Variants in DYNC1I1 observed in about 807,000 individuals in gnomAD.
DYNC1I1 encodes dynein cytoplasmic 1 intermediate chain 1.
In DYNC1I1, 43 loss-of-function variants were observed where a neutral mutation model predicts 86.6. The ratio of observed to expected loss-of-function variants is 0.50; its 90% confidence interval spans 0.39 to 0.64. The LOEUF is 0.64. Among genes scored for constraint, DYNC1I1 ranks in the 30% least tolerant of loss-of-function variants. The pLI, the probability that DYNC1I1 is intolerant of heterozygous loss-of-function variation, is 0.00. For missense variants in DYNC1I1, 604 were observed against 788.8 expected (o/e 0.77, Z 2.81); for synonymous variants, 262 against 283.7 (o/e 0.92, Z 0.77).
At chr7:96,003,207 T>C (rs1426425300) in intron 10 of DYNC1I1, among the ~76,000 whole-genome samples, 2 of 152,210 alleles carry the variant, frequency 1.3e-5, no homozygotes, top group African/African-American at 2.4e-5. Flanking sequence ...CATCCTGTTA[T>C]TGTGCTTTTG....
At chr7:95,802,505 A>G (rs1350112114) in intron 1 of DYNC1I1, among the ~76,000 whole-genome samples, 1 of 152,202 alleles carries the variant, frequency 6.6e-6, no homozygotes, top group East Asian at 1.9e-4. Context: ...GAATAGGCTT[A>G]AGCAAATTCC....
At chr7:96,090,189 G>A (rs1790799632) in intron 16 of DYNC1I1, among the ~76,000 whole-genome samples, 1 of 152,112 alleles carries the variant, frequency 6.6e-6, no homozygotes, top group Non-Finnish European at 1.5e-5. Flanking sequence ...ATGTGAAGAA[G>A]ACTATTCATC....
intron 1 of DYNC1I1, chr7:95,804,505 T>G: frequency 2.4e-6 from 2 of 831,110 alleles, no homozygotes; most frequent in Non-Finnish European, 3.4e-6. Context: ...CAGATATTTA[T>G]GTATATATAC....
intron 6 of DYNC1I1, among the ~76,000 whole-genome samples, chr7:95,971,270 C>A (rs1350724319): frequency 6.6e-6 from 1 of 152,108 alleles, no homozygotes; most frequent in African/African-American, 2.4e-5. Flanking sequence ...TAAAATGAGA[C>A]AAAAGGCATT....
At chr7:95,958,463 A>G (rs1199103795) in intron 6 of DYNC1I1, among the ~76,000 whole-genome samples, 1 of 152,128 alleles carries the variant, frequency 6.6e-6, no homozygotes, top group African/African-American at 2.4e-5. Context: ...CGGAAAGCTA[A>G]AGAAGAAGGA....
intron 10 of DYNC1I1, among the ~76,000 whole-genome samples, chr7:96,003,353 C>T (rs1046692780): frequency 2.0e-5 from 3 of 152,212 alleles, no homozygotes; most frequent in African/African-American, 7.2e-5. Context: ...TAGAGACTAA[C>T]TGGCCATTTG....
chr7:95,980,907 T>G (rs980495820), intron 7 of DYNC1I1, among the ~76,000 whole-genome samples: 3 of 152,140 alleles, frequency 2.0e-5, no homozygotes, highest in African/African-American at 7.2e-5. Flanking sequence ...CACTTTTAGT[T>G]TGGTTTGGTT....
At chr7:96,064,618 T>C (rs1414941342) in intron 14 of DYNC1I1, among the ~76,000 whole-genome samples, 1 of 141,754 alleles carries the variant, frequency 7.1e-6, no homozygotes, top group Non-Finnish European at 1.5e-5. Flanking sequence ...GGTAACATGC[T>C]AGAAGCACAA....
At chr7:96,031,641 G>C (rs1160747208) in intron 11 of DYNC1I1, among the ~76,000 whole-genome samples, 1 of 152,100 alleles carries the variant, frequency 6.6e-6, no homozygotes, top group Non-Finnish European at 1.5e-5. Context: ...AATAGTTTGG[G>C]AACCATCCTT....
chr7:96,068,100 A>G (rs1790047700), intron 14 of DYNC1I1, among the ~76,000 whole-genome samples: 1 of 152,050 alleles, frequency 6.6e-6, no homozygotes. Context: ...AACCTTGCAA[A>G]TTGTCCAGGA....
At chr7:95,785,793 ATATATATATATATATATATATATAT>A (rs1221506002) in intron 1 of DYNC1I1, among the ~76,000 whole-genome samples, 1 of 119,840 alleles carries the variant, frequency 8.3e-6, no homozygotes, top group Non-Finnish European at 1.6e-5. Flanking sequence ...ATATATATAT[ATATATATATATATATATATATATAT>A]TATATATAAC....
At chr7:96,108,885 A>T (rs1206918454) in intron 16 of DYNC1I1, among the ~76,000 whole-genome samples, 1 of 149,152 alleles carries the variant, frequency 6.7e-6, no homozygotes, top group Non-Finnish European at 1.5e-5. Flanking sequence ...AAAGATTTTT[A>T]AGCTAAGAAT....
intron 14 of DYNC1I1, among the ~76,000 whole-genome samples, chr7:96,059,523 AAAGT>A (rs1789699743): frequency 6.6e-6 from 1 of 152,136 alleles, no homozygotes. Context: ...TAAATTTCAG[AAAGT>A]AAGAGAATTT....
chr7:95,921,796 C>T (rs1791617619), intron 6 of DYNC1I1, among the ~76,000 whole-genome samples: 1 of 152,178 alleles, frequency 6.6e-6, no homozygotes. Flanking sequence ...CAGTGTGATC[C>T]TACAGTTTCC....
chr7:96,068,645 C>T (rs1275626923), intron 14 of DYNC1I1, among the ~76,000 whole-genome samples: 9 of 151,956 alleles, frequency 5.9e-5, no homozygotes, highest in Non-Finnish European at 1.3e-4. Flanking sequence ...CTAAATGTAG[C>T]GAGATCACTA....
chr7:96,008,118 T>C (rs1794187105), intron 10 of DYNC1I1, among the ~76,000 whole-genome samples: 1 of 152,212 alleles, frequency 6.6e-6, no homozygotes, highest in African/African-American at 2.4e-5. Context: ...TCTTAACATA[T>C]GTTTAATTTG....
At chr7:95,877,806 A>T (rs1790348159) in intron 6 of DYNC1I1, among the ~76,000 whole-genome samples, 1 of 152,234 alleles carries the variant, frequency 6.6e-6, no homozygotes, top group African/African-American at 2.4e-5. Context: ...CTGTGGAGAA[A>T]ATTGTGCCCC....
intron 6 of DYNC1I1, among the ~76,000 whole-genome samples, chr7:95,880,027 T>A (rs908896630): frequency 6.6e-6 from 1 of 152,216 alleles, no homozygotes; most frequent in Non-Finnish European, 1.5e-5. Context: ...AAGTAGTAAG[T>A]CCAGTTTTAC....
intron 5 of DYNC1I1, among the ~76,000 whole-genome samples, chr7:95,831,394 A>G (rs901496165): frequency 1.3e-5 from 2 of 152,078 alleles, no homozygotes; most frequent in African/African-American, 4.8e-5. Context: ...TTATTTTGAG[A>G]CAGAGTCTCA....
Sources: allele counts gnomAD v4.1 joint callset (sites outside exome capture counted in the v4.1 genomes callset), GRCh38; gene constraint gnomAD v4.1.1; transcripts MANE v1.5; gene names NCBI Gene and HGNC (gene_info 2026-07-23, HGNC 2026-07-21).